GALNT13: variants seen among roughly 807,000 people sequenced by gnomAD.
GALNT13 encodes the protein UDP-GalNAc:polypeptide N-acetylgalactosaminyltransferase 13.
In GALNT13, 28 loss-of-function variants were observed where a neutral mutation model predicts 64.2. The ratio of observed to expected loss-of-function variants is 0.44; its 90% confidence interval spans 0.32 to 0.60. The LOEUF is 0.60. GALNT13 is among the 20% of genes least tolerant of loss of function. The pLI, the probability that GALNT13 is intolerant of heterozygous loss-of-function variation, is 0.05. For synonymous variants in GALNT13, 214 were observed against 224.6 expected (o/e 0.95, Z 0.42); for missense variants, 577 against 669.8 (o/e 0.86, Z 1.53).
At chr2:153,240,111 G>A in the GALNT13 span, among the ~76,000 whole-genome samples, 2 of 152,200 alleles carry the variant, frequency 1.3e-5, no homozygotes, top group South Asian at 4.1e-4. Flanking sequence ...TTGGCATATA[G>A]TTGCTTATCT....
At chr2:153,110,551 G>T in the GALNT13 span, among the ~76,000 whole-genome samples, 1 of 152,070 alleles carries the variant, frequency 6.6e-6, no homozygotes, top group South Asian at 2.1e-4. Context: ...TTTGGACTTG[G>T]ATCAGGAGCT....
At chr2:154,266,141 A>G (rs576682782) in intron 8 of GALNT13, among the ~76,000 whole-genome samples, 1 of 152,302 alleles carries the variant, frequency 6.6e-6, no homozygotes, top group East Asian at 1.9e-4. Context: ...TCAACCTGAT[A>G]AAGGGTTTGA....
the GALNT13 span, among the ~76,000 whole-genome samples, chr2:153,572,549 T>A: frequency 2.0e-5 from 3 of 151,910 alleles, no homozygotes; most frequent in African/African-American, 4.8e-5. Flanking sequence ...TTATTTAAAG[T>A]TTCTCCCCCT....
At chr2:153,075,824 A>G in the GALNT13 span, among the ~76,000 whole-genome samples, 2 of 152,114 alleles carry the variant, frequency 1.3e-5, no homozygotes, top group East Asian at 3.8e-4. Context: ...ATATGCATAT[A>G]TATTGTATAT....
At chr2:153,527,853 T>A in the GALNT13 span, among the ~76,000 whole-genome samples, 1 of 152,126 alleles carries the variant, frequency 6.6e-6, no homozygotes, top group Non-Finnish European at 1.5e-5. Context: ...TTAATTTTTA[T>A]CAGCTTAAAA....
chr2:153,452,226 T>A, the GALNT13 span, among the ~76,000 whole-genome samples: 1 of 152,232 alleles, frequency 6.6e-6, no homozygotes, highest in South Asian at 2.1e-4. Context: ...CTTATTTTCC[T>A]GAAATTTGTA....
chr2:154,040,279 G>C (rs1574393542), intron 3 of GALNT13, among the ~76,000 whole-genome samples: 2 of 140,594 alleles, frequency 1.4e-5, no homozygotes, highest in African/African-American at 4.9e-5. Context: ...AATCAAGAAG[G>C]TCATTGTGAG....
intron 3 of GALNT13, among the ~76,000 whole-genome samples, chr2:154,072,717 G>A (rs531419422): frequency 6.6e-6 from 1 of 152,132 alleles, no homozygotes; most frequent in East Asian, 1.9e-4. Flanking sequence ...GCAACTGGTG[G>A]TAGGGCTGCA....
chr2:153,104,710 A>G, the GALNT13 span, among the ~76,000 whole-genome samples: 1 of 152,136 alleles, frequency 6.6e-6, no homozygotes, highest in Non-Finnish European at 1.5e-5. Context: ...ATAAACATGT[A>G]AGGCTGTGAA....
At chr2:154,067,497 C>T (rs1463545415) in intron 3 of GALNT13, among the ~76,000 whole-genome samples, 1 of 151,702 alleles carries the variant, frequency 6.6e-6, no homozygotes, top group Non-Finnish European at 1.5e-5. Flanking sequence ...ATACTTACAT[C>T]AGACAAAGGA....
chr2:154,387,040 GTAA>G (rs1362302422), intron 9 of GALNT13, among the ~76,000 whole-genome samples: 2 of 151,978 alleles, frequency 1.3e-5, no homozygotes, highest in African/African-American at 2.4e-5. Flanking sequence ...TAAAATTGTG[GTAA>G]TAATAGTAAA....
At chr2:154,121,055 T>G (rs1379648866) in intron 3 of GALNT13, among the ~76,000 whole-genome samples, 1 of 152,186 alleles carries the variant, frequency 6.6e-6, no homozygotes, top group Non-Finnish European at 1.5e-5. Context: ...GTAGAAACTG[T>G]GGGTCAGGAA....
the GALNT13 span, among the ~76,000 whole-genome samples, chr2:153,631,365 A>G: frequency 2.0e-5 from 3 of 152,184 alleles, no homozygotes; most frequent in African/African-American, 7.2e-5. Flanking sequence ...TTCTAGTTCT[A>G]GATCTGTGAG....
At chr2:153,690,909 G>A in the GALNT13 span, among the ~76,000 whole-genome samples, 2 of 152,074 alleles carry the variant, frequency 1.3e-5, no homozygotes, top group Admixed American at 1.3e-4. Context: ...ACCTGTAAGA[G>A]GGTCCTACAG....
At chr2:154,101,827 T>C (rs1462624227) in intron 3 of GALNT13, among the ~76,000 whole-genome samples, 3 of 152,124 alleles carry the variant, frequency 2.0e-5, no homozygotes, top group Admixed American at 1.3e-4. Context: ...CCCAGAGGTT[T>C]TGATATGTTG....
the GALNT13 span, among the ~76,000 whole-genome samples, chr2:153,300,485 A>C: frequency 3.3e-5 from 5 of 152,334 alleles, no homozygotes; most frequent in African/African-American, 1.2e-4. Flanking sequence ...CAGGAAAGCA[A>C]AGGGGATTGC....
chr2:153,963,453 T>C (rs1693081665), intron 3 of GALNT13, among the ~76,000 whole-genome samples: 1 of 152,192 alleles, frequency 6.6e-6, no homozygotes, highest in Non-Finnish European at 1.5e-5. Flanking sequence ...ATGGAAGTGC[T>C]GAGTCATATG....
At chr2:154,242,448 C>T (rs1689544451) in intron 5 of GALNT13, among the ~76,000 whole-genome samples, 1 of 152,022 alleles carries the variant, frequency 6.6e-6, no homozygotes, top group Non-Finnish European at 1.5e-5. Context: ...AAATTTCAGC[C>T]AAAATGACTT....
the GALNT13 span, among the ~76,000 whole-genome samples, chr2:153,466,150 T>G: frequency 6.6e-6 from 1 of 152,114 alleles, no homozygotes; most frequent in Non-Finnish European, 1.5e-5. Flanking sequence ...TCAGAGAATT[T>G]ATTCTCTCTC....
Sources: allele counts gnomAD v4.1 joint callset (sites outside exome capture counted in the v4.1 genomes callset), GRCh38; gene constraint gnomAD v4.1.1; transcripts MANE v1.5; gene names NCBI Gene and HGNC (gene_info 2026-07-23, HGNC 2026-07-21).